IL9R: variants seen among roughly 807,000 people sequenced by gnomAD.
The protein encoded by IL9R is interleukin 9 receptor.
IL9R carries 54 observed loss-of-function variants against 56.3 expected under a neutral mutation model. The ratio of observed to expected loss-of-function variants is 0.96; its 90% CI spans 0.77 to 1.20. The LOEUF is 1.20. Among genes scored for constraint, IL9R ranks in the 50% most tolerant of loss-of-function variants. The probability of loss-of-function intolerance (pLI) is 0.00; values close to 1 mark genes in which losing one functional copy is unlikely to be tolerated. For synonymous variants in IL9R, 212 were observed against 250.2 expected (o/e 0.85, Z 1.44); for missense variants, 545 against 629.8 (o/e 0.87, Z 1.44).
Position 156,003,013 on chromosome X carries a change from G to A in IL9R, c.136G>A (p.Gly46Arg). Residue 46 changes from glycine to arginine, a missense_variant, in exon 2 of 9, where the codon GGA becomes AGA. Gly to Arg is a moderately radical substitution (Grantham distance 125). This residue lies in a region of IL9R where 431 missense variants were observed against 360.0 expected (regional missense o/e 1.20). Coordinates refer to ENST00000244174, the MANE Select transcript of IL9R (RefSeq NM_002186.3). ...CTTGGGAGTCTCTGTCACAGGGGAA[G>A]GACAAGGTGAGGGCTGGGCACTAAT... ...VCLGVSVTGE[G>R]QGPRSRTFTC... 2 of 1,613,826 alleles carry A rather than the reference G, an allele frequency of 1.2e-6. No individual in the cohort carries two copies. Among genetic ancestry groups the A allele is most frequent in the South Asian group, 1.1e-5 (1 of 91,054 alleles).
chrX:156,009,258 G>GTGTGTGTTTA (rs2068290537), intron 8 of IL9R, among the ~76,000 whole-genome samples: 2 of 120,112 alleles, frequency 1.7e-5, no homozygotes, highest in Non-Finnish European at 3.4e-5. Flanking sequence ...GTGTCTGTGT[G>GTGTGTGTTTA]TGTGTGTTTG....
In IL9R at chrX:156,007,379, G is replaced by T. The variant is rs1014910659; in HGVS notation, c.888-144G>T. On this transcript the variant is annotated intron_variant, in intron 7 of 8. Transcript: ENST00000244174. ...CAGTTGGGTCCTGCCCTGAGAGTGG[G>T]TTGGAATGTGATGAGATGGGAGAGA... 7 of 657,510 alleles carry T rather than the reference G, an allele frequency of 1.1e-5. No individual in the cohort carries two copies. In the East Asian group the frequency reaches 1.9e-4, roughly 18 times the overall value. 40.7% of individuals were successfully genotyped at this position (657,510 alleles called of 1,614,324 possible).
At chrX:156,000,134 T>TA (rs566708471) in intron 1 of IL9R, among the ~76,000 whole-genome samples, 90 of 141,290 alleles carry the variant, frequency 6.4e-4, no homozygotes, top group Non-Finnish European at 8.2e-4. Flanking sequence ...AGACTCCGTC[T>TA]AAAAAAAAAA....
intron 8 of IL9R, among the ~76,000 whole-genome samples, chrX:156,009,274 GTA>G (rs2068299567): frequency 8.9e-5 from 10 of 111,836 alleles, no homozygotes; most frequent in Middle Eastern, 5.4e-3. Flanking sequence ...GTTTGTGTGT[GTA>G]TGTCTGTGTG....
At chrX:156,002,001 G>C (rs958576371) in intron 1 of IL9R, among the ~76,000 whole-genome samples, 7 of 152,124 alleles carry the variant, frequency 4.6e-5, no homozygotes, top group Non-Finnish European at 1.0e-4. Flanking sequence ...CACCTTTCTG[G>C]GGCAGAACAG....
chrX:156,003,490 C>A lies in IL9R; in HGVS notation c.184C>A (p.Leu62Ile). 25 of 1,612,286 alleles carry A rather than the reference C, an allele frequency of 1.6e-5. No homozygotes were observed. The highest frequency in any genetic ancestry group is 2.0e-5 in the Non-Finnish European group (24 of 1,179,824). The part of the protein sequence containing the change: ...RTFTCLTNNI[L>I]RIDCHWSAPE... ...CTTCACCTGCCTCACCAACAACATT[C>A]TCAGGATCGATTGCCACTGGTCTGC... Residue 62 changes from leucine (L) to isoleucine (I), a missense_variant, in exon 3 of 9, where the codon CTC (leucine) becomes ATC (isoleucine). Leu to Ile is a conservative substitution (Grantham distance 5). Transcript: ENST00000244174.
At chrX:156,000,143 A>ATATATAT (rs1220909165) in intron 1 of IL9R, among the ~76,000 whole-genome samples, 73 of 129,866 alleles carry the variant, frequency 5.6e-4, no homozygotes, top group African/African-American at 2.2e-3. Context: ...CTAAAAAAAA[A>ATATATAT]AAATATATAT....
In IL9R at chrX:156,003,710, C is replaced by G; in HGVS notation, c.288C>G (p.Ile96Met). The G allele has an allele frequency of 1.2e-6, 2 of 1,613,682 alleles. No individual in the cohort carries two copies. Among genetic ancestry groups the G allele is most frequent in the South Asian group, 2.2e-5 (2 of 90,996 alleles). The change falls in exon 4 of 9, where the codon ATC becomes ATG. Residue 96 changes from isoleucine (I) to methionine (M), a missense_variant. Ile to Met is a conservative substitution (Grantham distance 10). Coordinates refer to ENST00000244174, the MANE Select transcript of IL9R (RefSeq NM_002186.3). The part of the protein sequence containing the change: ...NQAPGGTHKC[I>M]LRGSECTVVL... Reference sequence around the variant, plus strand: ...CTCCTGGCGGCACACATAAGTGCATCTTGCGGGGCAGTGAGTGCACCGTCG... The same window carrying G: ...CTCCTGGCGGCACACATAAGTGCATGTTGCGGGGCAGTGAGTGCACCGTCG...
At chrX:156,005,695 C>T (rs1285384488) in intron 6 of IL9R, among the ~76,000 whole-genome samples, 1 of 152,152 alleles carries the variant, frequency 6.6e-6, no homozygotes, top group African/African-American at 2.4e-5. Flanking sequence ...TAGTTAGTGG[C>T]TGCTGTTAGG....
chrX:156,004,502 G>A lies in IL9R; in HGVS notation c.516G>A (p.Leu172=). The change falls in exon 5 of 9, where the codon TTG becomes TTA. Residue 172 remains leucine (L), a synonymous_variant. Transcript: ENST00000244174. The stretch of plus-strand genomic sequence containing the variant: ...TGACCTGGAGCATCAGTCCTGCCTT[G>A]GAGCCAATGACCACACTTCTCAGCT... ...CILTWSISPA[L]EPMTTLLSYE... The A allele has an allele frequency of 3.7e-6, 6 of 1,613,712 alleles. No homozygotes were observed. Among genetic ancestry groups the A allele is most frequent in the Non-Finnish European group, 5.1e-6 (6 of 1,179,850 alleles).
At chrX:156,003,605 G>A in intron 3 of IL9R, 45 bp downstream of exon 3, 2 of 1,610,006 alleles carry the variant, frequency 1.2e-6, no homozygotes, top group Non-Finnish European at 8.5e-7. Context: ...ATGAGGGTGA[G>A]TTCCCCAGGA....
At chrX:156,009,375 C>CTGTG (rs1306365573) in intron 8 of IL9R, among the ~76,000 whole-genome samples, 1 of 129,578 alleles carries the variant, frequency 7.7e-6, no homozygotes, top group Non-Finnish European at 1.6e-5. Flanking sequence ...CTGTGTGTAT[C>CTGTG]TGTGTGTGTT....
chrX:156,006,313 C>T (rs1251418947), intron 7 of IL9R, 125 bp downstream of exon 7: 10 of 649,704 alleles, frequency 1.5e-5, no homozygotes, highest in African/African-American at 3.8e-5. Context: ...CATCAAGGGC[C>T]GCCCTTGTCT....
Position 156,002,959 on chromosome X carries a change from G to A in IL9R, c.82G>A (p.Ala28Thr), listed in dbSNP as rs2067637521. ...LRRDMGTWLL[A>T]CICICTCVCL... ...GCGAGACATGGGCACCTGGCTCCTGGCCTGCATCTGCATCTGCACCTGTGT... is the reference window on the plus strand; with the variant it reads ...GCGAGACATGGGCACCTGGCTCCTGACCTGCATCTGCATCTGCACCTGTGT... The change falls in exon 2 of 9, where the codon GCC (alanine) becomes ACC (threonine). Residue 28 changes from alanine (A) to threonine (T), a missense_variant. Ala to Thr is a moderately conservative substitution (Grantham distance 58). Transcript: ENST00000244174. 1 of 1,613,920 alleles carries A rather than the reference G, an allele frequency of 6.2e-7. No individual in the cohort carries two copies. Among genetic ancestry groups the A allele is most frequent in the South Asian group, 1.1e-5 (1 of 91,070 alleles).
downstream of IL9R, among the ~76,000 whole-genome samples, chrX:156,013,003 AGTT>A (rs2068473062): frequency 6.9e-6 from 1 of 144,750 alleles, no homozygotes; most frequent in Non-Finnish European, 1.5e-5. Flanking sequence ...CTTAAATAAA[AGTT>A]GCTCTCTAAT....
Position 156,003,743 on chromosome X carries a change from A to G in IL9R, c.321A>G (p.Pro107=). Residue 107 remains proline, a synonymous_variant, in exon 4 of 9, where the codon CCA becomes CCG. Coordinates refer to ENST00000244174, the MANE Select transcript of IL9R (RefSeq NM_002186.3). ...GCAGTGAGTGCACCGTCGTGCTGCC[A>G]CCTGAGGCAGTGCTCGTGCCATCTG... The part of the protein sequence containing the change: ...LRGSECTVVL[P]PEAVLVPSDN... 6.2e-7 allele frequency: 1 copy of G among 1,613,916 alleles called. No individual in the cohort carries two copies. The highest frequency in any genetic ancestry group is 8.5e-7 in the Non-Finnish European group (1 of 1,179,822).
At chrX:156,000,145 A>AAAT (rs780163667) in intron 1 of IL9R, among the ~76,000 whole-genome samples, 9 of 144,272 alleles carry the variant, frequency 6.2e-5, no homozygotes, top group African/African-American at 1.1e-4. Flanking sequence ...AAAAAAAAAA[A>AAAT]ATATATATAT....
chrX:155,999,664 G>A (rs1192917279), intron 1 of IL9R, among the ~76,000 whole-genome samples: 3 of 152,084 alleles, frequency 2.0e-5, no homozygotes, highest in Non-Finnish European at 4.4e-5. Flanking sequence ...CAGGCTCCAT[G>A]TCCCCAGGCT....
rs747336836 is a variant in IL9R at position 155,997,739 on chromosome X, TG to T, written c.-17del. Reference sequence around the variant, plus strand: ...GTTGGGTGACAAATCACCTCCAGGTTGGGGATGCCTCAGACTTGTGATGGGA... The same window carrying T: ...GTTGGGTGACAAATCACCTCCAGGTTGGGATGCCTCAGACTTGTGATGGGA... On this transcript the variant is annotated 5_prime_UTR_variant, in exon 1 of 9. Coordinates refer to ENST00000244174, the MANE Select transcript of IL9R (RefSeq NM_002186.3). 1.2e-6 allele frequency: 2 copies of T among 1,613,384 alleles called. No homozygotes were observed. The highest frequency in any genetic ancestry group is 8.5e-7 in the Non-Finnish European group (1 of 1,179,410).
Sources: gnomAD v4.1 joint callset for allele counts (sites outside exome capture counted in the v4.1 genomes callset) on GRCh38, gnomAD v4.1.1 for gene constraint, gnomAD v4.1.1 regional missense constraint, MANE v1.5 for transcripts, NCBI Gene and HGNC (gene_info 2026-07-23, HGNC 2026-07-21) for gene names.